The following TBCK variants were observed in gnomAD, a reference collection of about 807,000 sequenced individuals.
TBCK encodes the protein TBC domain-containing protein kinase-like protein.
Under a neutral mutation model 113.4 loss-of-function variants are expected in TBCK, and 99 were observed. That is an observed-to-expected ratio of 0.87 (90% CI 0.74 to 1.03). TBCK has a LOEUF of 1.03. Ranked by LOEUF, TBCK falls within the 50% of genes least tolerant of loss-of-function variation. The pLI is 0.00. For synonymous variants in TBCK, 369 were observed against 370.8 expected, an observed-to-expected ratio of 1.00 and a Z score of 0.05; for missense variants, 1,045 against 1,061.3, an observed-to-expected ratio of 0.98 and a Z score of 0.21.
chr4:106,142,358 T>C (rs998523229), intron 23 of TBCK, among the ~76,000 whole-genome samples: 1 of 152,190 alleles, frequency 6.6e-6, no homozygotes, highest in African/African-American at 2.4e-5. Context: ...AAAAGCTTCT[T>C]TTTCCTTTTT....
At position 106,201,275 on chromosome 4, in the gene TBCK, T is replaced by C. The variant is rs1754861894; in HGVS notation, c.1861-6521A>G. On this transcript the variant is annotated intron_variant, in intron 20 of 25. Transcript: ENST00000394708. ...TTTTTCTTTCTATATTTCTCCCGTT[T>C]AAAATATTGATATTTTCATCTTAAA... Among the ~76,000 whole-genome samples, 4 of 152,042 alleles carry C rather than the reference T, an allele frequency of 2.6e-5. No homozygotes were observed. The South Asian group carries it at 8.3e-4, about 31-fold the overall frequency.
intron 2 of TBCK, among the ~76,000 whole-genome samples, chr4:106,306,661 C>A (rs1767561509): frequency 6.6e-6 from 1 of 152,084 alleles, no homozygotes; most frequent in Admixed American, 6.6e-5. Context: ...AAGCAGTGGA[C>A]AAGAAAGACA....
chr4:106,225,824 T>A (rs1466399724), intron 19 of TBCK, among the ~76,000 whole-genome samples: 1 of 151,988 alleles, frequency 6.6e-6, no homozygotes, highest in Admixed American at 6.6e-5. Context: ...ATTTAATAAA[T>A]TAAACAAGAC....
chr4:106,308,680 T>C (rs563129543), intron 2 of TBCK, 88 bp downstream of exon 2: 13 of 1,241,114 alleles, frequency 1.0e-5, no homozygotes, highest in African/African-American at 1.5e-5. Context: ...GTACTGATGA[T>C]AGCTTTATAT....
In TBCK at chr4:106,304,183, G is replaced by A. The variant is rs114880758; in HGVS notation, c.193+4585C>T. ...AGCCTGTCACAGTGGTCACCCTGCA[G>A]GCTATAACCCTTATGATAAATAAAG... is the stretch of plus-strand genomic sequence containing the variant. On this transcript the variant is annotated intron_variant, in intron 2 of 25. Coordinates refer to ENST00000394708, the MANE Select transcript of TBCK (RefSeq NM_001163435.3). Among the ~76,000 whole-genome samples the A allele has an allele frequency of 5.7e-3, 868 of 152,172 alleles. 10 individuals are homozygous for A. The highest frequency in any genetic ancestry group is 0.02 in the African/African-American group (836 of 41,540).
intron 25 of TBCK, among the ~76,000 whole-genome samples, chr4:106,075,954 C>T (rs1294409443): frequency 6.6e-6 from 1 of 152,226 alleles, no homozygotes; most frequent in Non-Finnish European, 1.5e-5. Context: ...TGGCAGCATT[C>T]ACACTCAAAA....
intron 16 of TBCK, among the ~76,000 whole-genome samples, chr4:106,233,325 T>C (rs561335874): frequency 2.0e-5 from 3 of 152,192 alleles, no homozygotes; most frequent in African/African-American, 7.2e-5. Flanking sequence ...CAAAAATATT[T>C]TCCTTTATAA....
At chr4:106,279,125 A>G (rs1764323539) in intron 3 of TBCK, among the ~76,000 whole-genome samples, 1 of 152,164 alleles carries the variant, frequency 6.6e-6, no homozygotes, top group African/African-American at 2.4e-5. Context: ...ACCACAAAAT[A>G]AAATTCAAAA....
At chr4:106,284,199 G>A (rs1265473989) in intron 3 of TBCK, among the ~76,000 whole-genome samples, 1 of 151,886 alleles carries the variant, frequency 6.6e-6, no homozygotes, top group Non-Finnish European at 1.5e-5. Flanking sequence ...TTGAAACTAC[G>A]GTCCTCAAAA....
In TBCK at chr4:106,113,968, C is replaced by T. The variant is rs538013624; in HGVS notation, c.2411+2235G>A. Reference sequence around the variant, plus strand: ...TGCCCCAAGTGGGGTTCCTCAATAACGGCACACATTGGACTAAGATGCCAA... The same window carrying T: ...TGCCCCAAGTGGGGTTCCTCAATAATGGCACACATTGGACTAAGATGCCAA... On this transcript the variant is annotated intron_variant, in intron 24 of 25. Coordinates refer to ENST00000394708, the MANE Select transcript of TBCK (RefSeq NM_001163435.3). 7.9e-5 allele frequency among the ~76,000 whole-genome samples: 12 copies of T among 152,278 alleles called. No individual in the cohort carries two copies. In the South Asian group the frequency reaches 2.3e-3, roughly 29 times the overall value.
chr4:106,315,279 G>A (rs1466064255), intron 1 of TBCK, among the ~76,000 whole-genome samples: 3 of 150,686 alleles, frequency 2.0e-5, no homozygotes, highest in Admixed American at 1.3e-4. Flanking sequence ...AAAGGATAAT[G>A]AACAAGTCAG....
chr4:106,084,843 T>C (rs878899579), intron 25 of TBCK, among the ~76,000 whole-genome samples: 1 of 152,164 alleles, frequency 6.6e-6, no homozygotes, highest in Admixed American at 6.5e-5. Context: ...CTAAGCTTCA[T>C]AAGCGGAGGA....
chr4:106,292,488 T>A lies in TBCK; in HGVS notation c.266+2606A>T, dbSNP rs187073111. On this transcript the variant is annotated intron_variant, in intron 3 of 25. Coordinates refer to ENST00000394708, the MANE Select transcript of TBCK (RefSeq NM_001163435.3). The stretch of plus-strand genomic sequence containing the variant: ...AAAAGGCTGAGGCAGGAGAATGGCA[T>A]GAACCCGGGAGGAGGAGCTTGCAGT... Among the ~76,000 whole-genome samples, 534 of 150,546 alleles carry A rather than the reference T, an allele frequency of 3.5e-3. 3 individuals are homozygous for A. The highest frequency in any genetic ancestry group is 6.3e-3 in the Non-Finnish European group (425 of 67,842).
intron 23 of TBCK, among the ~76,000 whole-genome samples, chr4:106,165,063 G>A (rs553105566): frequency 1.2e-3 from 183 of 151,618 alleles, no homozygotes; most frequent in African/African-American, 4.2e-3. Flanking sequence ...AATAATTATT[G>A]CTCATTTACA....
chr4:106,056,180 G>A (rs980839932), intron 25 of TBCK, among the ~76,000 whole-genome samples: 1 of 150,264 alleles, frequency 6.7e-6, no homozygotes, highest in Admixed American at 6.7e-5. Flanking sequence ...TCAAACCTAC[G>A]TTATTCTTCT....
At chr4:106,125,938 G>T (rs753046348) in intron 23 of TBCK, among the ~76,000 whole-genome samples, 1 of 152,260 alleles carries the variant, frequency 6.6e-6, no homozygotes, top group East Asian at 1.9e-4. Context: ...AAGACTTATG[G>T]AGTAAATCTA....
At chr4:106,139,286 C>T (rs1325790352) in intron 23 of TBCK, among the ~76,000 whole-genome samples, 2 of 141,590 alleles carry the variant, frequency 1.4e-5, no homozygotes, top group Admixed American at 7.0e-5. Context: ...ACAAGGTAAA[C>T]AAGGTCTCTA....
chr4:106,291,049 G>A (rs188960843), intron 3 of TBCK, among the ~76,000 whole-genome samples: 16 of 152,336 alleles, frequency 1.1e-4, no homozygotes, highest in African/African-American at 3.8e-4. Context: ...AACCCTATCA[G>A]TGAGAGGCAA....
intron 20 of TBCK, among the ~76,000 whole-genome samples, chr4:106,211,667 T>C (rs1260652950): frequency 6.6e-6 from 1 of 152,050 alleles, no homozygotes; most frequent in African/African-American, 2.4e-5. Flanking sequence ...CATAATATAG[T>C]TTTAGGAAGT....
Sources: gnomAD v4.1 joint callset for allele counts (sites outside exome capture counted in the v4.1 genomes callset) on GRCh38, gnomAD v4.1.1 for gene constraint, MANE v1.5 for transcripts, NCBI Gene and HGNC (gene_info 2026-07-23, HGNC 2026-07-21) for gene names.